The following TMPRSS9 variants were observed in gnomAD, a reference collection of about 807,000 sequenced individuals.
The protein encoded by TMPRSS9 is transmembrane serine protease 9, also known as transmembrane protease serine 9.
In TMPRSS9, 113 loss-of-function variants were observed where a neutral mutation model predicts 111.4. The observed-to-expected ratio is 1.01, with a 90% confidence interval of 0.87 to 1.19. TMPRSS9 has a LOEUF of 1.19. Ranked by LOEUF, TMPRSS9 falls within the 50% of genes most tolerant of loss-of-function variation. The probability of loss-of-function intolerance (pLI) is 0.00; values close to 1 mark genes in which losing one functional copy is unlikely to be tolerated. For missense variants in TMPRSS9, 1,803 were observed against 1,513.1 expected (o/e 1.19, Z -3.18); for synonymous variants, 805 against 659.1 (o/e 1.22, Z -3.39).
chr19:2,396,815 C>T (rs544281599), intron 2 of TMPRSS9, 149 bp downstream of exon 3: 25 of 1,195,250 alleles, frequency 2.1e-5, no homozygotes, highest in East Asian at 2.6e-5. Flanking sequence ...GGCCAGGGGG[C>T]GGGCAGGACG....
chr19:2,406,193 T>C (rs1237795581), intron 7 of TMPRSS9, among the ~76,000 whole-genome samples: 2 of 150,828 alleles, frequency 1.3e-5, no homozygotes, highest in Non-Finnish European at 2.9e-5. Flanking sequence ...TTTTTTTTTG[T>C]ATTTTTAGTA....
intron 9 of TMPRSS9, among the ~76,000 whole-genome samples, chr19:2,411,500 C>T (rs1440478399): frequency 6.7e-5 from 10 of 148,862 alleles, no homozygotes; most frequent in Non-Finnish European, 1.5e-4. Flanking sequence ...CAGGTTCAAG[C>T]GAGTCTCCTG....
At chr19:2,416,954 C>G in intron 12 of TMPRSS9, 145 bp downstream of exon 13, 1 of 1,136,248 alleles carries the variant, frequency 8.8e-7, no homozygotes, top group Non-Finnish European at 1.2e-6. Flanking sequence ...GTCTTTGGTC[C>G]CGCTGCCCAC....
chr19:2,407,160 C>G, intron 7 of TMPRSS9, among the ~76,000 whole-genome samples: 1 of 151,962 alleles, frequency 6.6e-6, no homozygotes, highest in East Asian at 1.9e-4. Context: ...GTGCCCAAGG[C>G]TCATGGCTGG....
chr19:2,369,348 G>A (rs1970272087), intron 1 of TMPRSS9, among the ~76,000 whole-genome samples: 1 of 152,186 alleles, frequency 6.6e-6, no homozygotes, highest in African/African-American at 2.4e-5. Flanking sequence ...TTTTTGTGAA[G>A]AGGAGACTGA....
Position 2,395,803 on chromosome 19 carries a change from A to C in TMPRSS9, c.143-736A>C, listed in dbSNP as rs141789693. ...AGGGCGGATCACGAGGTCAGGAGAT[A>C]GAGACCATCCTGGCTAACACAGTGA... On this transcript the variant is annotated intron_variant, in intron 1 of 17. Coordinates refer to ENST00000648592, the Ensembl canonical transcript of TMPRSS9. Among the ~76,000 whole-genome samples the C allele has an allele frequency of 6.3e-3, 958 of 152,226 alleles. 11 individuals carry two copies. The highest frequency in any genetic ancestry group is 0.019 in the African/African-American group (791 of 41,542).
chr19:2,392,145 TC>T (rs1414587882), intron 1 of TMPRSS9, among the ~76,000 whole-genome samples: 1 of 151,952 alleles, frequency 6.6e-6, no homozygotes, highest in Admixed American at 6.6e-5. Context: ...GCTCAGGAGT[TC>T]GAGACCAACC....
chr19:2,392,166 T>C (rs148784582), intron 1 of TMPRSS9, among the ~76,000 whole-genome samples: 4,326 of 151,172 alleles, frequency 0.029, 87 homozygotes, highest in Non-Finnish European at 0.044. Context: ...CTAGGCAACA[T>C]AGCAAGACCC....
At chr19:2,389,615 G>A (rs1177670589), upstream of TMPRSS9, among the ~76,000 whole-genome samples, 1 of 151,530 alleles carries the variant, frequency 6.6e-6, no homozygotes, top group Non-Finnish European at 1.5e-5. Context: ...TCGTCCTCCT[G>A]CCTCAGCCTC....
intron 10 of TMPRSS9, among the ~76,000 whole-genome samples, chr19:2,414,575 CCA>C (rs1568186614): frequency 6.6e-6 from 1 of 151,846 alleles, no homozygotes; most frequent in African/African-American, 2.4e-5. Flanking sequence ...TAGTTTGTAC[CCA>C]GACAACTTGT....
exon 14 of TMPRSS9, chr19:2,422,244 C>A: frequency 6.6e-7 from 1 of 1,505,740 alleles, no homozygotes; most frequent in South Asian, 1.3e-5. Flanking sequence ...CACCCAGCTA[C>A]CAGGTACCGG....
upstream of TMPRSS9, among the ~76,000 whole-genome samples, chr19:2,389,281 G>T (rs1284331176): frequency 6.7e-6 from 1 of 149,080 alleles, no homozygotes; most frequent in Admixed American, 6.7e-5. Flanking sequence ...CACCATGTTG[G>T]CCAGGCTGGT....
intron 15 of TMPRSS9, among the ~76,000 whole-genome samples, chr19:2,424,493 C>T (rs1044253359): frequency 1.6e-4 from 24 of 151,338 alleles, no homozygotes; most frequent in Admixed American, 1.3e-3. Flanking sequence ...CTGCGAAGGC[C>T]GAGTCCTACC....
upstream of TMPRSS9, among the ~76,000 whole-genome samples, chr19:2,388,274 C>A (rs1036903295): frequency 6.6e-6 from 1 of 151,896 alleles, no homozygotes; most frequent in African/African-American, 2.4e-5. Flanking sequence ...GTGGCCCTAG[C>A]TACTAGGAGG....
At chr19:2,421,879 G>T in exon 14 of TMPRSS9, 3 of 1,609,370 alleles carry the variant, frequency 1.9e-6, no homozygotes, top group Non-Finnish European at 2.5e-6. Flanking sequence ...CCCCTGGCCT[G>T]CGAGGAGGCC....
At chr19:2,371,652 G>A (rs370770292) in intron 1 of TMPRSS9, among the ~76,000 whole-genome samples, 19 of 151,988 alleles carry the variant, frequency 1.3e-4, no homozygotes, top group Admixed American at 3.3e-4. Context: ...AGCCAACATC[G>A]TGCCACTGCA....
intron 1 of TMPRSS9, among the ~76,000 whole-genome samples, chr19:2,394,345 C>G (rs956810488): frequency 2.6e-5 from 4 of 151,996 alleles, no homozygotes; most frequent in African/African-American, 9.7e-5. Context: ...AGTGATTGTG[C>G]CACTGCACTG....
exon 18 of TMPRSS9, chr19:2,425,963 T>C: frequency 6.2e-7 from 1 of 1,606,160 alleles, no homozygotes; most frequent in Non-Finnish European, 8.5e-7. Context: ...CAGGGAGCCC[T>C]CTGGACGGTG....
At chr19:2,401,927 G>T (rs779492111) in intron 4 of TMPRSS9, 48 bp from the exon 6 acceptor site, 1 of 1,590,842 alleles carries the variant, frequency 6.3e-7, no homozygotes, top group African/African-American at 1.4e-5. Flanking sequence ...TGTTCAAAGG[G>T]TTTTACCGCT....
Sources: allele counts gnomAD v4.1 joint callset (sites outside exome capture counted in the v4.1 genomes callset), GRCh38; gene constraint gnomAD v4.1.1; transcripts MANE v1.5; gene names NCBI Gene and HGNC (gene_info 2026-07-23, HGNC 2026-07-21).